Variants in STON1 observed in about 807,000 individuals in gnomAD.
STON1 encodes stonin-1.
In STON1, 79 loss-of-function variants were observed where a neutral mutation model predicts 60.9. That is an observed-to-expected ratio of 1.30 (90% CI 1.08 to 1.56). STON1 has a LOEUF of 1.56. Among genes scored for constraint, STON1 ranks in the 40% most tolerant of loss-of-function variants. The pLI is 0.00. For synonymous variants in STON1, 363 were observed against 306.9 expected, an observed-to-expected ratio of 1.18 and a Z score of -1.91; for missense variants, 1,166 against 858.9, an observed-to-expected ratio of 1.36 and a Z score of -4.47.
chr2:48,569,256 A>G (rs1417413989), intron 1 of STON1, among the ~76,000 whole-genome samples: 1 of 152,214 alleles, frequency 6.6e-6, no homozygotes, highest in Non-Finnish European at 1.5e-5. Flanking sequence ...GGTTAATTGA[A>G]CAGAAAGCCT....
intron 1 of STON1, among the ~76,000 whole-genome samples, chr2:48,566,623 T>A (rs1672956420): frequency 6.6e-6 from 1 of 151,586 alleles, no homozygotes; most frequent in South Asian, 2.1e-4. Flanking sequence ...CTCAAGGGAG[T>A]CAGGGAAGTG....
chr2:48,535,436 G>A (rs918292194), intron 1 of STON1, among the ~76,000 whole-genome samples: 1 of 152,154 alleles, frequency 6.6e-6, no homozygotes, highest in African/African-American at 2.4e-5. Flanking sequence ...CCCCTCACAG[G>A]CAAGCAGCTC....
At position 48,564,605 on chromosome 2, in the gene STON1, T is replaced by TCCTC. The variant is rs1359171030; in HGVS notation, c.-47-15981_-47-15980insCTCC. Among the ~76,000 whole-genome samples, 211 of 61,644 alleles carry TCCTC rather than the reference T, an allele frequency of 3.4e-3. 59 individuals carry two copies. Among genetic ancestry groups the TCCTC allele is most frequent in the East Asian group, 0.014 (23 of 1,610 alleles). The allele number at this position is 61,644 out of a possible 152,430, so 40.4% of individuals were successfully genotyped here. ...TCCTCCTCCTCCTCCTCCTCCTCCT[T>TCCTC]CTCCTTCTCCTTCTCCTTCTCCTTC... On this transcript the variant is annotated intron_variant, in intron 1 of 3. Transcript: ENST00000404752.
chr2:48,586,825 G>C (rs1335248700), intron 2 of STON1, among the ~76,000 whole-genome samples: 1 of 152,152 alleles, frequency 6.6e-6, no homozygotes, highest in Admixed American at 6.5e-5. Flanking sequence ...GTTGGGAGGA[G>C]GTAAGGGTTG....
At chr2:48,566,415 A>G (rs1044856237) in intron 1 of STON1, among the ~76,000 whole-genome samples, 3 of 150,584 alleles carry the variant, frequency 2.0e-5, no homozygotes, top group Non-Finnish European at 4.4e-5. Flanking sequence ...ACGTCAGGTG[A>G]TCTGCCCACC....
chr2:48,593,043 A>T (rs1572652638), intron 3 of STON1, among the ~76,000 whole-genome samples: 1 of 152,184 alleles, frequency 6.6e-6, no homozygotes, highest in Admixed American at 6.5e-5. Flanking sequence ...AGTTTAGTAG[A>T]TATATGGATG....
At chr2:48,553,277 A>T (rs1378529558) in intron 1 of STON1, among the ~76,000 whole-genome samples, 1 of 152,104 alleles carries the variant, frequency 6.6e-6, no homozygotes, top group Admixed American at 6.5e-5. Context: ...TGTGCCTTGG[A>T]AAACCTCCGG....
rs1313990686 is a variant in STON1, at chr2:48,554,168, A to G, written c.-48+23952A>G. 2.0e-5 allele frequency among the ~76,000 whole-genome samples: 3 copies of G among 152,132 alleles called. No homozygotes were observed. The East Asian group carries it at 5.8e-4, about 29-fold the overall frequency. On this transcript the variant is annotated intron_variant, in intron 1 of 3. Transcript: ENST00000404752. ...GCTGGGCTGTGCAGAGGCACCTGAG[A>G]TGACTTGGGCTTCCTGAGGAGGCTG... is the stretch of plus-strand genomic sequence containing the variant.
intron 1 of STON1, among the ~76,000 whole-genome samples, chr2:48,551,383 A>C (rs1485417571): frequency 6.6e-6 from 1 of 152,190 alleles, no homozygotes; most frequent in Non-Finnish European, 1.5e-5. Context: ...TCATAGTTCA[A>C]GTTCCCTTCC....
intron 1 of STON1, 120 bp downstream of exon 1, chr2:48,530,336 G>T: frequency 3.5e-6 from 1 of 285,340 alleles, no homozygotes; most frequent in Non-Finnish European, 6.8e-6. Context: ...CATCTCCAGG[G>T]CCGCTCGGCG....
At chr2:48,537,420 G>A (rs377020893) in intron 1 of STON1, among the ~76,000 whole-genome samples, 7 of 152,132 alleles carry the variant, frequency 4.6e-5, no homozygotes, top group African/African-American at 7.2e-5. Context: ...TAAGATGAGC[G>A]TATTAATTGT....
chr2:48,590,998 G>C (rs1283374828), intron 2 of STON1, among the ~76,000 whole-genome samples: 1 of 151,932 alleles, frequency 6.6e-6, no homozygotes, highest in Non-Finnish European at 1.5e-5. Context: ...GTTTATTTTT[G>C]AGTTATCTGT....
At chr2:48,564,793 C>A (rs996389350) in intron 1 of STON1, among the ~76,000 whole-genome samples, 1 of 131,844 alleles carries the variant, frequency 7.6e-6, no homozygotes, top group African/African-American at 2.9e-5. Context: ...AGTGCAGTGG[C>A]ACGATCTTGG....
At chr2:48,533,524 A>G (rs1671298535) in intron 1 of STON1, among the ~76,000 whole-genome samples, 1 of 151,718 alleles carries the variant, frequency 6.6e-6, no homozygotes, top group South Asian at 2.1e-4. Context: ...ACCTGTCTCT[A>G]CTAAAAATAT....
At chr2:48,588,881 G>T (rs1213618382) in intron 2 of STON1, among the ~76,000 whole-genome samples, 1 of 152,092 alleles carries the variant, frequency 6.6e-6, no homozygotes, top group Non-Finnish European at 1.5e-5. Flanking sequence ...TGCAACAAAG[G>T]TTTGCCTGAG....
chr2:48,544,300 T>C (rs1671775776), intron 1 of STON1, among the ~76,000 whole-genome samples: 1 of 152,158 alleles, frequency 6.6e-6, no homozygotes, highest in African/African-American at 2.4e-5. Flanking sequence ...TTCATGTAAA[T>C]ATCTGTGGCT....
At chr2:48,576,563 C>T (rs1048234705) in intron 1 of STON1, among the ~76,000 whole-genome samples, 27 of 149,810 alleles carry the variant, frequency 1.8e-4, no homozygotes, top group African/African-American at 6.4e-4. Context: ...ATAGATACCT[C>T]GTTGTAGTTT....
At chr2:48,550,739 T>C (rs35284764) in intron 1 of STON1, among the ~76,000 whole-genome samples, 31,271 of 151,586 alleles carry the variant, frequency 0.21, 3,561 homozygotes, top group South Asian at 0.35. Flanking sequence ...ATTCTTTCAC[T>C]GATGTTTATA....
intron 2 of STON1, among the ~76,000 whole-genome samples, chr2:48,585,634 A>G (rs1451536879): frequency 1.3e-5 from 2 of 152,244 alleles, no homozygotes; most frequent in East Asian, 3.9e-4. Flanking sequence ...AGGTCTTCAT[A>G]CAAGGTTCCA....
Sources: gnomAD v4.1 joint callset for allele counts (sites outside exome capture counted in the v4.1 genomes callset) on GRCh38, gnomAD v4.1.1 for gene constraint, MANE v1.5 for transcripts, NCBI Gene and HGNC (gene_info 2026-07-23, HGNC 2026-07-21) for gene names.